The following SNTG1 variants were observed in gnomAD, a reference collection of about 807,000 sequenced individuals.
SNTG1 encodes the protein gamma-1-syntrophin.
In SNTG1, 39 loss-of-function variants were observed where a neutral mutation model predicts 74.7. The observed-to-expected ratio is 0.52, with a 90% CI of 0.40 to 0.68. The LOEUF is 0.68. SNTG1 is among the 30% of genes least tolerant of loss of function. The probability of loss-of-function intolerance (pLI) is 0.00; values close to 1 mark genes in which losing one functional copy is unlikely to be tolerated. For missense variants in SNTG1, 685 were observed against 609.5 expected, an observed-to-expected ratio of 1.12 and a Z score of -1.30; for synonymous variants, 254 against 217.1, an observed-to-expected ratio of 1.17 and a Z score of -1.49.
intron 18 of SNTG1, among the ~76,000 whole-genome samples, chr8:50,764,978 G>A (rs1397285084): frequency 6.6e-6 from 1 of 151,934 alleles, no homozygotes; most frequent in Non-Finnish European, 1.5e-5. Flanking sequence ...TATCATAGAA[G>A]AATCTGGGGG....
At chr8:50,014,318 A>C (rs959052788) in intron 1 of SNTG1, among the ~76,000 whole-genome samples, 1 of 152,144 alleles carries the variant, frequency 6.6e-6, no homozygotes, top group Non-Finnish European at 1.5e-5. Context: ...AGGCAGGACA[A>C]ATACAAAATG....
chr8:50,628,900 C>G (rs1356713454), intron 13 of SNTG1, among the ~76,000 whole-genome samples: 35 of 152,114 alleles, frequency 2.3e-4, no homozygotes, highest in Non-Finnish European at 4.4e-5. Flanking sequence ...CCAGAATATT[C>G]CTGCATACCC....
chr8:50,164,921 T>C (rs1436714800), intron 1 of SNTG1, among the ~76,000 whole-genome samples: 1 of 152,210 alleles, frequency 6.6e-6, no homozygotes, highest in Non-Finnish European at 1.5e-5. Flanking sequence ...GAATGAGTCA[T>C]CCCTTATTTA....
At chr8:50,322,192 A>G (rs972043912) in intron 2 of SNTG1, among the ~76,000 whole-genome samples, 2 of 152,108 alleles carry the variant, frequency 1.3e-5, no homozygotes, top group Admixed American at 1.3e-4. Flanking sequence ...TGGTGTTGAT[A>G]AAATCCCTCA....
intron 2 of SNTG1, among the ~76,000 whole-genome samples, chr8:50,173,870 T>G (rs760537544): frequency 3.4e-4 from 52 of 152,366 alleles, no homozygotes; most frequent in Middle Eastern, 3.4e-3. Flanking sequence ...GTGCAGAACA[T>G]GCAGGTTTGT....
At chr8:50,511,392 G>T (rs533770167) in intron 9 of SNTG1, among the ~76,000 whole-genome samples, 34 of 152,314 alleles carry the variant, frequency 2.2e-4, no homozygotes, top group Admixed American at 6.5e-4. Context: ...TGTATATTCT[G>T]TTGTTTGGGG....
At chr8:50,713,885 T>G (rs1384867541) in intron 17 of SNTG1, among the ~76,000 whole-genome samples, 1 of 151,890 alleles carries the variant, frequency 6.6e-6, no homozygotes, top group African/African-American at 2.4e-5. Flanking sequence ...TAATGAAACC[T>G]TGCCTCTACT....
chr8:50,478,910 A>G (rs2093717624), intron 8 of SNTG1, among the ~76,000 whole-genome samples: 1 of 152,190 alleles, frequency 6.6e-6, no homozygotes, highest in Non-Finnish European at 1.5e-5. Context: ...AATTCCTCTT[A>G]TTTTAATTAA....
intron 2 of SNTG1, among the ~76,000 whole-genome samples, chr8:50,323,127 A>G (rs1333309359): frequency 6.6e-6 from 1 of 151,010 alleles, no homozygotes; most frequent in Non-Finnish European, 1.5e-5. Context: ...AAAAAAAGAT[A>G]CTCTGATACA....
intron 18 of SNTG1, among the ~76,000 whole-genome samples, chr8:50,758,316 TC>T (rs1361380568): frequency 1.3e-5 from 2 of 151,946 alleles, no homozygotes; most frequent in African/African-American, 4.8e-5. Context: ...TGCAATATTT[TC>T]TTTTTTAATT....
At chr8:50,068,910 T>C (rs1250197150) in intron 1 of SNTG1, among the ~76,000 whole-genome samples, 1 of 152,204 alleles carries the variant, frequency 6.6e-6, no homozygotes, top group Non-Finnish European at 1.5e-5. Flanking sequence ...CTTAAAACAT[T>C]ATTTTTAAAT....
intron 8 of SNTG1, among the ~76,000 whole-genome samples, chr8:50,458,837 C>G (rs545093897): frequency 6.6e-6 from 1 of 152,068 alleles, no homozygotes; most frequent in African/African-American, 2.4e-5. Context: ...ATATACAATT[C>G]GCAAATATTT....
intron 1 of SNTG1, among the ~76,000 whole-genome samples, chr8:49,983,046 T>G (rs1315835518): frequency 6.6e-6 from 1 of 152,226 alleles, no homozygotes; most frequent in Non-Finnish European, 1.5e-5. Flanking sequence ...AAATGCAGTT[T>G]CCTCTCATCC....
intron 1 of SNTG1, among the ~76,000 whole-genome samples, chr8:50,006,067 A>T (rs55743661): frequency 0.12 from 16,598 of 141,764 alleles, 1,101 homozygotes; most frequent in South Asian, 0.22. Flanking sequence ...GGTTCAAGCG[A>T]TTCTCCTGCC....
intron 18 of SNTG1, among the ~76,000 whole-genome samples, chr8:50,754,101 A>G (rs2095574270): frequency 6.6e-6 from 1 of 151,956 alleles, no homozygotes. Context: ...CTCTATAACC[A>G]TGACTTGTGA....
chr8:50,547,207 G>T lies in SNTG1; in HGVS notation c.681-5843G>T, dbSNP rs7834856. ...GTGGTTCTCAAAAGTGGATACAGAG[G>T]TTGAATTGATTGCATTCCACTTCAC... On this transcript the variant is annotated intron_variant, in intron 11 of 18. Transcript: ENST00000642720. 9.7e-3 allele frequency among the ~76,000 whole-genome samples: 1,481 copies of T among 152,264 alleles called. 23 individuals are homozygous for T. Among genetic ancestry groups the T allele is most frequent in the African/African-American group, 0.034 (1,407 of 41,540 alleles).
chr8:50,706,843 A>G (rs1194797122), intron 16 of SNTG1, among the ~76,000 whole-genome samples: 1 of 151,976 alleles, frequency 6.6e-6, no homozygotes, highest in African/African-American at 2.4e-5. Context: ...AGTAAAGTTG[A>G]TAGGGAATTA....
At chr8:50,454,148 T>G (rs1050573772) in intron 8 of SNTG1, among the ~76,000 whole-genome samples, 1 of 152,218 alleles carries the variant, frequency 6.6e-6, no homozygotes, top group African/African-American at 2.4e-5. Flanking sequence ...TGGCCATCTC[T>G]ATATCTTGTC....
chr8:50,017,289 G>C (rs1270779128), intron 1 of SNTG1, among the ~76,000 whole-genome samples: 1 of 151,814 alleles, frequency 6.6e-6, no homozygotes, highest in Non-Finnish European at 1.5e-5. Context: ...AAGAGAAAAA[G>C]GGAATTTTAA....
Sources: gnomAD v4.1 joint callset for allele counts (sites outside exome capture counted in the v4.1 genomes callset) on GRCh38, gnomAD v4.1.1 for gene constraint, MANE v1.5 for transcripts, NCBI Gene and HGNC (gene_info 2026-07-23, HGNC 2026-07-21) for gene names.